The following CALN1 variants were observed in gnomAD, a reference collection of about 807,000 sequenced individuals.
CALN1 encodes calneuron 1, also known as calcium-binding protein 8.
A neutral mutation model predicts 30.6 loss-of-function variants in CALN1; 17 were observed. The ratio of observed to expected loss-of-function variants is 0.56; its 90% CI spans 0.38 to 0.83. The LOEUF is 0.83. Ranked by LOEUF, CALN1 falls within the 40% of genes least tolerant of loss-of-function variation. CALN1 has a pLI of 0.00. For missense variants in CALN1, 291 were observed against 354.9 expected, an observed-to-expected ratio of 0.82 and a Z score of 1.45; for synonymous variants, 156 against 131.4, an observed-to-expected ratio of 1.19 and a Z score of -1.28.
rs879735693 is a variant in CALN1, at chr7:71,819,383, ATTCACCATGTTGGT to A, written c.502-8905_502-8892del. Reference sequence around the variant, plus strand: ...GCCACCACACCCGGCTAATTCTTGTATTCACCATGTTGGTTTCACCATGTTGGCCAGGCTGGTCT... The same window carrying A: ...GCCACCACACCCGGCTAATTCTTGTATTCACCATGTTGGCCAGGCTGGTCT... On this transcript the variant is annotated intron_variant, in intron 5 of 6. Transcript: ENST00000395275. 9.5e-4 allele frequency among the ~76,000 whole-genome samples: 144 copies of A among 151,214 alleles called. No individual in the cohort carries two copies. The Middle Eastern group carries it at 0.011, about 11-fold the overall frequency.
intron 3 of CALN1, among the ~76,000 whole-genome samples, chr7:72,159,890 A>G (rs991387023): frequency 6.6e-6 from 1 of 152,222 alleles, no homozygotes; most frequent in African/African-American, 2.4e-5. Context: ...AAGGTGAAAG[A>G]AACAGATATC....
chr7:72,367,796 A>G (rs1166577021), intron 2 of CALN1, among the ~76,000 whole-genome samples: 1 of 151,910 alleles, frequency 6.6e-6, no homozygotes, highest in African/African-American at 2.4e-5. Context: ...GATTGCACCA[A>G]TGCACTCCAG....
At chr7:72,369,862 T>C (rs1804115814) in intron 2 of CALN1, among the ~76,000 whole-genome samples, 1 of 152,226 alleles carries the variant, frequency 6.6e-6, no homozygotes, top group East Asian at 1.9e-4. Context: ...GTTAATCCAC[T>C]AACCTATTGA....
chr7:72,246,608 T>C (rs1197242517), intron 3 of CALN1, among the ~76,000 whole-genome samples: 1 of 152,030 alleles, frequency 6.6e-6, no homozygotes, highest in Admixed American at 6.6e-5. Context: ...AAAAGGAGAA[T>C]ACTACTAAAT....
At chr7:72,449,098 C>T (rs953258721), upstream of CALN1, among the ~76,000 whole-genome samples, 1 of 152,118 alleles carries the variant, frequency 6.6e-6, no homozygotes, top group African/African-American at 2.4e-5. Context: ...TGCATTTGAC[C>T]CCCTTCCCCT....
rs1446394263 is a variant in CALN1, at chr7:71,790,454, GT to G, written c.659-2553del. Among the ~76,000 whole-genome samples the G allele has an allele frequency of 9.2e-5, 14 of 152,270 alleles. No individual in the cohort carries two copies. In the East Asian group the frequency reaches 2.7e-3, roughly 29 times the overall value. Reference sequence around the variant, plus strand: ...AAGCAAGCAAGTGGGCTTTGATGAAGTGCATCAAGGATCCCAGGCATTGCAT... The same window carrying G: ...AAGCAAGCAAGTGGGCTTTGATGAAGGCATCAAGGATCCCAGGCATTGCAT... On this transcript the variant is annotated intron_variant, in intron 6 of 6. Coordinates refer to ENST00000395275, the MANE Select transcript of CALN1 (RefSeq NM_031468.4).
chr7:72,347,608 C>T (rs1163845607), intron 2 of CALN1, among the ~76,000 whole-genome samples: 2 of 152,242 alleles, frequency 1.3e-5, no homozygotes, highest in South Asian at 4.1e-4. Flanking sequence ...CTCCTTCACA[C>T]ACACATACAC....
chr7:72,248,646 C>T (rs981042169), intron 3 of CALN1, among the ~76,000 whole-genome samples: 1 of 152,118 alleles, frequency 6.6e-6, no homozygotes, highest in Non-Finnish European at 1.5e-5. Context: ...AATAATCTCT[C>T]CATCTCAACA....
chr7:72,163,119 T>C (rs1327599780), intron 3 of CALN1, among the ~76,000 whole-genome samples: 2 of 152,140 alleles, frequency 1.3e-5, no homozygotes, highest in Non-Finnish European at 2.9e-5. Flanking sequence ...TTACAGAGAT[T>C]GGCAAAACGT....
intron 1 of CALN1, among the ~76,000 whole-genome samples, chr7:72,411,837 T>C (rs1807178951): frequency 1.3e-5 from 2 of 152,228 alleles, no homozygotes; most frequent in South Asian, 2.1e-4. Context: ...TGTCCTGCTT[T>C]TTCCATACAG....
In CALN1 at chr7:71,843,542, G is replaced by A. The variant is rs566241832; in HGVS notation, c.502-33050C>T. 1.3e-4 allele frequency among the ~76,000 whole-genome samples: 20 copies of A among 152,248 alleles called. No homozygotes were observed. In the South Asian group the frequency reaches 4.1e-3, roughly 32 times the overall value. ...AAAGGCTGCAGCAGGAGGATTGCTT[G>A]AGCCCAGGAAATCGAGGCTGCTGTG... is the stretch of plus-strand genomic sequence containing the variant. On this transcript the variant is annotated intron_variant, in intron 5 of 6. Transcript: ENST00000395275.
chr7:72,269,962 T>C (rs1365075104), intron 3 of CALN1, among the ~76,000 whole-genome samples: 1 of 152,166 alleles, frequency 6.6e-6, no homozygotes, highest in African/African-American at 2.4e-5. Flanking sequence ...ATTGTCTTAA[T>C]GATTAATCAG....
intron 6 of CALN1, among the ~76,000 whole-genome samples, chr7:71,797,252 G>A (rs1786983373): frequency 6.6e-6 from 1 of 152,174 alleles, no homozygotes; most frequent in Non-Finnish European, 1.5e-5. Flanking sequence ...TTCTGGCAGG[G>A]AGCTGGGGGT....
At chr7:72,219,622 T>C (rs370902057) in intron 3 of CALN1, among the ~76,000 whole-genome samples, 3 of 152,034 alleles carry the variant, frequency 2.0e-5, no homozygotes, top group Middle Eastern at 6.8e-3. Flanking sequence ...TTAAAATCCA[T>C]GAAGATACAC....
At chr7:72,238,949 C>G (rs1414426097) in intron 3 of CALN1, among the ~76,000 whole-genome samples, 2 of 152,224 alleles carry the variant, frequency 1.3e-5, no homozygotes, top group East Asian at 3.9e-4. Flanking sequence ...ACATCCCCCA[C>G]TAATGTGGAC....
intron 3 of CALN1, among the ~76,000 whole-genome samples, chr7:72,118,044 C>A (rs1036222917): frequency 6.6e-6 from 1 of 152,020 alleles, no homozygotes; most frequent in Non-Finnish European, 1.5e-5. Flanking sequence ...TGCACAGGCC[C>A]AGTGCTCAGG....
At position 71,786,246 on chromosome 7, in the gene CALN1, C is replaced by T. The variant is rs1434790927; in HGVS notation, c.*1529G>A. On this transcript the variant is annotated 3_prime_UTR_variant, in exon 7 of 7. Coordinates refer to ENST00000395275, the MANE Select transcript of CALN1 (RefSeq NM_031468.4). ...AGAGACAAGAAAGCTTCTGGTGGCT[C>T]GCTACTGGAAGGGGGGAAGCATGTA... 6 of 152,090 alleles carry T rather than the reference C, an allele frequency of 3.9e-5. No homozygotes were observed. The highest frequency in any genetic ancestry group is 1.4e-4 in the African/African-American group (6 of 41,382). The allele number at this position is 152,090 out of a possible 1,614,324, so 9.4% of individuals were successfully genotyped here.
intron 3 of CALN1, among the ~76,000 whole-genome samples, chr7:72,186,449 G>A (rs1051328457): frequency 2.6e-5 from 4 of 151,948 alleles, no homozygotes; most frequent in African/African-American, 9.7e-5. Context: ...CTGTACATTC[G>A]GGGGTACATG....
At position 71,799,446 on chromosome 7, in the gene CALN1, TTTATTTAGTTAG is replaced by T. The variant is rs1461143397; in HGVS notation, c.658+10878_658+10889del. 7.5e-4 allele frequency among the ~76,000 whole-genome samples: 103 copies of T among 136,458 alleles called. 1 individual carries two copies. The highest frequency in any genetic ancestry group is 1.6e-3 in the East Asian group (7 of 4,428). 89.5% of individuals were successfully genotyped at this position (136,458 alleles called of 152,430 possible). A position where few individuals can be genotyped will look rare whatever the true frequency, so the allele number is the denominator to read the frequency against. On this transcript the variant is annotated intron_variant, in intron 6 of 6. Coordinates refer to ENST00000395275, the MANE Select transcript of CALN1 (RefSeq NM_031468.4). Reference sequence around the variant, plus strand: ...TTTTATTTATTTATTTATTTATTTATTTATTTAGTTAGTTAGTTAGTTAGTTAGTTAGTTTTT... The same window carrying T: ...TTTTATTTATTTATTTATTTATTTATTTAGTTAGTTAGTTAGTTAGTTTTT...
Sources: gnomAD v4.1 joint callset for allele counts (sites outside exome capture counted in the v4.1 genomes callset) on GRCh38, gnomAD v4.1.1 for gene constraint, MANE v1.5 for transcripts, NCBI Gene and HGNC (gene_info 2026-07-23, HGNC 2026-07-21) for gene names.